TLN2: variants seen among roughly 807,000 people sequenced by gnomAD.
The protein encoded by TLN2 is talin-2.
A neutral mutation model predicts 294.7 loss-of-function variants in TLN2; 118 were observed. The observed-to-expected ratio is 0.40, with a 90% CI of 0.34 to 0.47. The LOEUF (loss-of-function observed/expected upper bound fraction) is 0.47, where lower values mean the gene tolerates loss of function less well. Among genes scored for constraint, TLN2 ranks in the 20% least tolerant of loss-of-function variants. The pLI, the probability that TLN2 is intolerant of heterozygous loss-of-function variation, is 0.84. For missense variants in TLN2, 3,083 were observed against 3,282.2 expected (o/e 0.94, Z 1.48); for synonymous variants, 1,431 against 1,304.5 (o/e 1.10, Z -2.09).
At chr15:62,513,327 T>C (rs1015720519) in intron 1 of TLN2, among the ~76,000 whole-genome samples, 3 of 152,206 alleles carry the variant, frequency 2.0e-5, no homozygotes, top group Non-Finnish European at 4.4e-5. Flanking sequence ...CCAGCTCCAG[T>C]GATCCCTCTT....
intron 2 of TLN2, among the ~76,000 whole-genome samples, chr15:62,601,465 G>A (rs77767188): frequency 1.3e-5 from 2 of 152,176 alleles, no homozygotes; most frequent in Non-Finnish European, 2.9e-5. Context: ...GTCAGACTCA[G>A]ATCTCTTGGG....
intron 3 of TLN2, among the ~76,000 whole-genome samples, chr15:62,636,608 A>G (rs148449516): frequency 6.6e-6 from 1 of 152,306 alleles, no homozygotes; most frequent in African/African-American, 2.4e-5. Context: ...GCCCAAGTCA[A>G]AAAATGTGCT....
intron 2 of TLN2, among the ~76,000 whole-genome samples, chr15:62,608,578 G>A (rs118120478): frequency 8.5e-5 from 13 of 152,274 alleles, no homozygotes; most frequent in East Asian, 7.7e-4. Context: ...ATGACTCTCC[G>A]TTTCTGGTGT....
At chr15:62,735,174 G>A (rs183552411) in intron 28 of TLN2, among the ~76,000 whole-genome samples, 2 of 152,328 alleles carry the variant, frequency 1.3e-5, no homozygotes, top group East Asian at 3.9e-4. Flanking sequence ...GGCAAGATAT[G>A]TCTCAGCACC....
chr15:62,548,999 C>G (rs1248203058), intron 1 of TLN2, among the ~76,000 whole-genome samples: 1 of 152,190 alleles, frequency 6.6e-6, no homozygotes, highest in Non-Finnish European at 1.5e-5. Context: ...TGGTTTGCCA[C>G]TGGTCTTAAC....
chr15:62,776,787 C>A lies in TLN2; in HGVS notation c.5391C>A (p.Ile1797=). 2 of 1,589,196 alleles carry A rather than the reference C, an allele frequency of 1.3e-6. No individual in the cohort carries two copies. Among genetic ancestry groups the A allele is most frequent in the Non-Finnish European group, 1.7e-6 (2 of 1,166,420 alleles). ...NPKAQHTHDA[I]TEAAQLMKEA... ...AGGCACAACACACCCATGACGCCAT[C>A]ACAGAGGCCGCCCAGTTGATGAAGG... Residue 1797 remains isoleucine, a synonymous_variant, in exon 43 of 59, where the codon ATC becomes ATA. Transcript: ENST00000636159.
At chr15:62,575,697 T>TA (rs1247815426) in intron 1 of TLN2, among the ~76,000 whole-genome samples, 1 of 152,178 alleles carries the variant, frequency 6.6e-6, no homozygotes, top group Non-Finnish European at 1.5e-5. Context: ...GGAAGCACAC[T>TA]AAAGTCCACT....
chr15:62,748,478 A>G, intron 33 of TLN2, 34 bp downstream of exon 33: 1 of 1,508,826 alleles, frequency 6.6e-7, no homozygotes, highest in Non-Finnish European at 9.2e-7. Context: ...AGGACTTGAG[A>G]GAGGGAGTGT....
In TLN2 at chr15:62,840,639, G is replaced by A. The variant is rs1438873197; in HGVS notation, c.*29G>A. On this transcript the variant is annotated 3_prime_UTR_variant, in exon 59 of 59. Coordinates refer to ENST00000636159, the MANE Select transcript of TLN2 (RefSeq NM_015059.3). ...TGCGAGCCCAGATGGCGAGCCCCAG[G>A]GGATGGCCCTGGCTGAACTGGACAG... The A allele has an allele frequency of 1.9e-6, 3 of 1,610,064 alleles. No homozygotes were observed. In the South Asian group the frequency reaches 3.3e-5, roughly 18 times the overall value.
chr15:62,730,265 CT>C (rs1418076399), intron 28 of TLN2, among the ~76,000 whole-genome samples: 3 of 152,168 alleles, frequency 2.0e-5, no homozygotes, highest in South Asian at 2.1e-4. Context: ...TGGTCTTGAT[CT>C]TTTGACCTCG....
At chr15:62,771,675 G>A (rs2063357385) in intron 42 of TLN2, among the ~76,000 whole-genome samples, 1 of 152,222 alleles carries the variant, frequency 6.6e-6, no homozygotes, top group South Asian at 2.1e-4. Flanking sequence ...CTGAAGAAGA[G>A]AGAATAGCAT....
chr15:62,486,361 C>T (rs138382009), intron 1 of TLN2, among the ~76,000 whole-genome samples: 1 of 151,838 alleles, frequency 6.6e-6, no homozygotes, highest in East Asian at 1.9e-4. Flanking sequence ...AGTAATTCTT[C>T]TCCTGCCCTA....
At chr15:62,748,216 C>G (rs1595870326) in intron 32 of TLN2, 135 bp from the exon 33 acceptor site, 1 of 654,848 alleles carries the variant, frequency 1.5e-6, no homozygotes, top group East Asian at 2.6e-5. Context: ...TGTGTAGAGC[C>G]TCTGCAGAAG....
chr15:62,741,748 C>CACGCGCGCGTGTGTGTGTGTGTGT (rs1555495620), intron 32 of TLN2, among the ~76,000 whole-genome samples: 1 of 131,072 alleles, frequency 7.6e-6, no homozygotes, highest in South Asian at 2.7e-4. Flanking sequence ...AAAATTTGCG[C>CACGCGCGCGTGTGTGTGTGTGTGT]GTGTGTGTGT....
Position 62,702,470 on chromosome 15 carries a change from G to A in TLN2, c.1905+270G>A, listed in dbSNP as rs115309942. Among the ~76,000 whole-genome samples the A allele has an allele frequency of 7.0e-4, 107 of 152,270 alleles. 2 individuals carry two copies. Among genetic ancestry groups the A allele is most frequent in the African/African-American group, 2.4e-3 (98 of 41,546 alleles). On this transcript the variant is annotated intron_variant, in intron 18 of 58. Transcript: ENST00000636159. ...CACACATGACTAATACGCATTTAAG[G>A]GGAATAGAAGTTTGCACCCTAATTT...
intron 1 of TLN2, among the ~76,000 whole-genome samples, chr15:62,461,169 C>T (rs553178648): frequency 3.5e-4 from 54 of 152,208 alleles, no homozygotes; most frequent in African/African-American, 1.2e-3. Flanking sequence ...AGGCTGGTCT[C>T]GAACTTCCTC....
intron 1 of TLN2, among the ~76,000 whole-genome samples, chr15:62,479,465 A>G (rs1306023086): frequency 6.6e-6 from 1 of 151,828 alleles, no homozygotes; most frequent in Admixed American, 6.6e-5. Flanking sequence ...TCTGAAGCAG[A>G]CTTCTTTGTC....
rs114501150 is a variant in TLN2, at chr15:62,676,359, C to G, written c.957+1038C>G. Among the ~76,000 whole-genome samples, 558 of 152,248 alleles carry G rather than the reference C, an allele frequency of 3.7e-3. 5 individuals carry two copies. The highest frequency in any genetic ancestry group is 0.013 in the African/African-American group (542 of 41,534). The stretch of plus-strand genomic sequence containing the variant: ...GCTCTCAGTTTTACATCCAAAATCG[C>G]TGGGGCCTTTGCAATGAAGAACGTA... On this transcript the variant is annotated intron_variant, in intron 11 of 58. Coordinates refer to ENST00000636159, the MANE Select transcript of TLN2 (RefSeq NM_015059.3).
chr15:62,582,342 G>A (rs2045200648), intron 1 of TLN2, among the ~76,000 whole-genome samples: 1 of 151,862 alleles, frequency 6.6e-6, no homozygotes, highest in East Asian at 1.9e-4. Context: ...CTATTTTTCA[G>A]TCATTCATTG....
Sources: allele counts gnomAD v4.1 joint callset (sites outside exome capture counted in the v4.1 genomes callset), GRCh38; gene constraint gnomAD v4.1.1; transcripts MANE v1.5; gene names NCBI Gene and HGNC (gene_info 2026-07-23, HGNC 2026-07-21).